The following ECT2 variants were observed in gnomAD, a reference collection of about 807,000 sequenced individuals.
The protein encoded by ECT2 is protein ECT2.
In ECT2, 61 loss-of-function variants were observed where a neutral mutation model predicts 116.9. The ratio of observed to expected loss-of-function variants is 0.52; its 90% confidence interval spans 0.42 to 0.65. ECT2 has a LOEUF of 0.65. ECT2 is among the 30% of genes least tolerant of loss of function. The probability of loss-of-function intolerance (pLI) is 0.00; values close to 1 mark genes in which losing one functional copy is unlikely to be tolerated. For missense variants in ECT2, 937 were observed against 1,078.7 expected, an observed-to-expected ratio of 0.87 and a Z score of 1.84; for synonymous variants, 358 against 346.4, an observed-to-expected ratio of 1.03 and a Z score of -0.37.
intron 1 of ECT2, among the ~76,000 whole-genome samples, chr3:172,753,763 G>C (rs1716400927): frequency 6.6e-6 from 1 of 152,202 alleles, no homozygotes; most frequent in African/African-American, 2.4e-5. Context: ...CTGTTGCATA[G>C]ATTGTATAGG....
rs1194978360 is a variant in ECT2, at chr3:172,820,298, T to C, written c.*61T>C. 7 of 1,188,290 alleles carry C rather than the reference T, an allele frequency of 5.9e-6. No individual in the cohort carries two copies. In the African/African-American group the frequency reaches 7.8e-5, roughly 13 times the overall value. 73.6% of individuals were successfully genotyped at this position (1,188,290 alleles called of 1,614,324 possible). A position where few individuals can be genotyped will look rare whatever the true frequency, so the allele number is the denominator to read the frequency against. ...GACACCTCATACTCAAATAAGAAAC[T>C]GACTTAAATGGTACTTGTAATTAGC... On this transcript the variant is annotated 3_prime_UTR_variant, in exon 25 of 25. Coordinates refer to ENST00000392692, the MANE Select transcript of ECT2 (RefSeq NM_001258315.2).
downstream of ECT2, among the ~76,000 whole-genome samples, chr3:172,825,963 G>A (rs553335893): frequency 2.6e-5 from 4 of 152,274 alleles, no homozygotes; most frequent in South Asian, 6.2e-4. Flanking sequence ...GCGCGATCTC[G>A]GCTCACTGCA....
chr3:172,805,904 A>T (rs760514719), intron 21 of ECT2, 35 bp downstream of exon 21: 1 of 1,595,472 alleles, frequency 6.3e-7, no homozygotes. Flanking sequence ...GTTATATAAA[A>T]ATAGTTTATA....
chr3:172,771,485 A>G (rs921319201), intron 13 of ECT2: 8 of 152,378 alleles, frequency 5.3e-5, no homozygotes, highest in Admixed American at 1.3e-4. Flanking sequence ...CCGAGTAAAC[A>G]ATACAAGTGA....
chr3:172,760,059 A>G, intron 6 of ECT2, 97 bp from the exon 7 acceptor site: 1 of 611,190 alleles, frequency 1.6e-6, no homozygotes, highest in Non-Finnish European at 2.7e-6. Context: ...TTTTATAAAT[A>G]GAAAGTATTT....
Position 172,782,241 on chromosome 3 carries a change from G to T in ECT2, c.1617+10G>T. ...CATTTTTCTGAAATATGTAAGTATTGTATTTCTTTTTTAAGTTTTCAGATT... is the reference window on the plus strand; with the variant it reads ...CATTTTTCTGAAATATGTAAGTATTTTATTTCTTTTTTAAGTTTTCAGATT... On this transcript the variant is annotated intron_variant, in intron 15 of 24. Transcript: ENST00000392692. 6.7e-7 allele frequency: 1 copy of T among 1,494,278 alleles called. No homozygotes were observed. Among genetic ancestry groups the T allele is most frequent in the Non-Finnish European group, 9.2e-7 (1 of 1,091,848 alleles). 92.6% of individuals were successfully genotyped at this position (1,494,278 alleles called of 1,614,324 possible).
intron 13 of ECT2, among the ~76,000 whole-genome samples, chr3:172,770,322 G>A (rs1720372039): frequency 6.6e-6 from 1 of 152,096 alleles, no homozygotes; most frequent in Non-Finnish European, 1.5e-5. Flanking sequence ...TCAAGCCATG[G>A]TAAAATGCAT....
downstream of ECT2, among the ~76,000 whole-genome samples, chr3:172,824,381 A>C (rs1445280292): frequency 3.3e-5 from 5 of 152,162 alleles, no homozygotes; most frequent in African/African-American, 1.2e-4. Flanking sequence ...CAGAAGCAGG[A>C]GGGAGGGAGA....
rs757297344 is a variant in ECT2 at position 172,760,141 on chromosome 3, A to G, written c.577-15A>G. ...ATTAACCATAAAGTCAGTGTTGCTT[A>G]ATTTTTCTTTTGAGGTCAGGTTGGT... is the stretch of plus-strand genomic sequence containing the variant. On this transcript the variant is annotated splice_polypyrimidine_tract_variant and intron_variant, in intron 6 of 24. Transcript: ENST00000392692. 5.1e-6 allele frequency: 8 copies of G among 1,567,688 alleles called. 1 individual carries two copies. The highest frequency in any genetic ancestry group is 4.8e-5 in the South Asian group (4 of 84,008).
intron 14 of ECT2, among the ~76,000 whole-genome samples, chr3:172,776,265 A>C (rs1238385439): frequency 7.0e-6 from 1 of 142,468 alleles, no homozygotes; most frequent in Non-Finnish European, 1.5e-5. Flanking sequence ...AGCTCACTGC[A>C]ACTATTTGTT....
intron 18 of ECT2, among the ~76,000 whole-genome samples, chr3:172,792,916 C>G (rs958467217): frequency 6.6e-6 from 1 of 152,064 alleles, no homozygotes; most frequent in Non-Finnish European, 1.5e-5. Context: ...GACAGGGTTT[C>G]ACTCTGTTGT....
chr3:172,818,928 T>A (rs779840840), intron 24 of ECT2: 343 of 833,170 alleles, frequency 4.1e-4, no homozygotes, highest in Non-Finnish European at 4.8e-4. Context: ...CACAATGTTA[T>A]GACTGCTTTG....
Position 172,762,426 on chromosome 3 carries a change from G to C in ECT2, c.769G>C (p.Ala257Pro). ...WERRNEQDFY[A>P]AVDDFRNEFK... is the part of the protein sequence containing the mutation. Reference sequence around the variant, plus strand: ...GTATTTTGTTTTTAGGGATTTCTATGCAGCAGTTGATGACTTTAGAAATGA... The same window carrying C: ...GTATTTTGTTTTTAGGGATTTCTATCCAGCAGTTGATGACTTTAGAAATGA... Residue 257 changes from alanine to proline, a missense_variant, in exon 9 of 25, where the codon GCA becomes CCA. Ala to Pro is a conservative substitution (Grantham distance 27). Transcript: ENST00000392692. The C allele has an allele frequency of 6.3e-7, 1 of 1,592,508 alleles. No individual in the cohort carries two copies. Among genetic ancestry groups the C allele is most frequent in the Non-Finnish European group, 8.5e-7 (1 of 1,175,086 alleles).
intron 13 of ECT2, 47 bp from the exon 14 acceptor site, chr3:172,773,854 CTT>C: frequency 2.6e-6 from 4 of 1,566,068 alleles, no homozygotes. Context: ...TCTTTTAGCT[CTT>C]TTCTTTTTCC....
At chr3:172,775,979 T>C (rs1368873302) in intron 14 of ECT2, among the ~76,000 whole-genome samples, 1 of 152,222 alleles carries the variant, frequency 6.6e-6, no homozygotes, top group East Asian at 1.9e-4. Context: ...GTGGATCAAT[T>C]TGAATTTGTG....
intron 2 of ECT2, 102 bp from the exon 3 acceptor site, chr3:172,755,193 C>A: frequency 1.3e-6 from 1 of 752,492 alleles, no homozygotes; most frequent in Non-Finnish European, 2.0e-6. Flanking sequence ...ATGATTCCCT[C>A]AAAGATGTAA....
rs1176578941 is a variant in ECT2 at position 172,820,856 on chromosome 3, A to G, written c.*619A>G. 1.3e-5 allele frequency: 2 copies of G among 151,988 alleles called. No homozygotes were observed. The highest frequency in any genetic ancestry group is 1.3e-4 in the Admixed American group (2 of 15,244). 9.4% of individuals were successfully genotyped at this position (151,988 alleles called of 1,614,324 possible). A position where few individuals can be genotyped will look rare whatever the true frequency, so the allele number is the denominator to read the frequency against. On this transcript the variant is annotated 3_prime_UTR_variant, in exon 25 of 25. Coordinates refer to ENST00000392692, the MANE Select transcript of ECT2 (RefSeq NM_001258315.2). Reference sequence around the variant, plus strand: ...ATAACATTTAAAGGAGATTGTTTCAAAATATTTTTGCAAATTGAGATAAGG... The same window carrying G: ...ATAACATTTAAAGGAGATTGTTTCAGAATATTTTTGCAAATTGAGATAAGG...
chr3:172,796,114 T>C (rs1193794444), intron 18 of ECT2, among the ~76,000 whole-genome samples: 1 of 152,226 alleles, frequency 6.6e-6, no homozygotes, highest in African/African-American at 2.4e-5. Flanking sequence ...AAAATGTCTG[T>C]GATAAATTTT....
At chr3:172,791,742 A>G (rs929971368) in intron 18 of ECT2, among the ~76,000 whole-genome samples, 1 of 152,194 alleles carries the variant, frequency 6.6e-6, no homozygotes, top group Non-Finnish European at 1.5e-5. Context: ...GACATTCTTC[A>G]TATCAGTATT....
Sources: gnomAD v4.1 joint callset for allele counts (sites outside exome capture counted in the v4.1 genomes callset) on GRCh38, gnomAD v4.1.1 for gene constraint, MANE v1.5 for transcripts, NCBI Gene and HGNC (gene_info 2026-07-23, HGNC 2026-07-21) for gene names.